CSNK1D: variants seen among roughly 807,000 people sequenced by gnomAD.
CSNK1D encodes casein kinase 1 delta, also known as casein kinase I isoform delta.
CSNK1D carries 16 observed loss-of-function variants against 46.6 expected under a neutral mutation model. The ratio of observed to expected loss-of-function variants is 0.34; its 90% CI spans 0.23 to 0.52. The LOEUF (loss-of-function observed/expected upper bound fraction) is 0.52, where lower values mean the gene tolerates loss of function less well. CSNK1D is among the 20% of genes least tolerant of loss of function. The pLI, the probability that CSNK1D is intolerant of heterozygous loss-of-function variation, is 0.95. For missense variants in CSNK1D, 398 were observed against 578.4 expected, an observed-to-expected ratio of 0.69 and a Z score of 3.20; for synonymous variants, 276 against 228.2, an observed-to-expected ratio of 1.21 and a Z score of -1.89.
Position 82,251,154 on chromosome 17 carries a change from T to A in CSNK1D, c.885+225A>T, listed in dbSNP as rs986739302. On this transcript the variant is annotated intron_variant, in intron 6 of 8. Transcript: ENST00000314028. This position sits in a 1 kb window ranked among gnomAD's most constrained non-coding sequence, Gnocchi z 4.5. ...CCTCCTGCTGTCCACACCCAGGAAT[T>A]CCATGGACCCCTCTGCGTTCCCTAA... The A allele has an allele frequency of 1.8e-6, 1 of 549,186 alleles. No individual in the cohort carries two copies. Among genetic ancestry groups the A allele is most frequent in the Non-Finnish European group, 3.3e-6 (1 of 304,442 alleles). The allele number at this position is 549,186 out of a possible 1,614,324, so 34.0% of individuals were successfully genotyped here. A position where few individuals can be genotyped will look rare whatever the true frequency, so the allele number is the denominator to read the frequency against.
Position 82,243,804 on chromosome 17 carries a change from A to G in CSNK1D, c.*977T>C. ...AAAATGGACTGAGTGCAAAGGCAGC[A>G]AGGCAACAAACACTACAGTAACCAC... On this transcript the variant is annotated 3_prime_UTR_variant, in exon 9 of 9. Coordinates refer to ENST00000314028, the MANE Select transcript of CSNK1D (RefSeq NM_001893.6). The G allele has an allele frequency of 1.0e-6, 1 of 985,498 alleles. No homozygotes were observed. Among genetic ancestry groups the G allele is most frequent in the Non-Finnish European group, 1.2e-6 (1 of 829,962 alleles). The allele number at this position is 985,498 out of a possible 1,614,324, so 61.0% of individuals were successfully genotyped here. A position where few individuals can be genotyped will look rare whatever the true frequency, so the allele number is the denominator to read the frequency against.
Position 82,257,223 on chromosome 17 carries a change from G to A in CSNK1D, c.188-1646C>T, listed in dbSNP as rs572798661. Among the ~76,000 whole-genome samples, 4 of 151,886 alleles carry A rather than the reference G, an allele frequency of 2.6e-5. No individual in the cohort carries two copies. In the East Asian group the frequency reaches 7.7e-4, roughly 29 times the overall value. On this transcript the variant is annotated intron_variant, in intron 2 of 8. Transcript: ENST00000314028. The stretch of plus-strand genomic sequence containing the variant: ...TGGTATCTTTTTCCTATTCATAGTA[G>A]TTCTTTATAACTTCTAGATACTAAA...
chr17:82,258,636 T>C (rs2051247168), intron 2 of CSNK1D, among the ~76,000 whole-genome samples: 1 of 152,188 alleles, frequency 6.6e-6, no homozygotes, highest in African/African-American at 2.4e-5. Context: ...TTTTGGAGTT[T>C]TCACTGTCCC....
chr17:82,267,304 T>C (rs951109762), intron 1 of CSNK1D, among the ~76,000 whole-genome samples: 1 of 152,088 alleles, frequency 6.6e-6, no homozygotes, highest in African/African-American at 2.4e-5. Flanking sequence ...GGGTTAACAG[T>C]TTCTTTTACT....
At position 82,253,301 on chromosome 17, in the gene CSNK1D, G is replaced by A. The variant is rs566879006; in HGVS notation, c.337-57C>T. 4.2e-5 allele frequency: 56 copies of A among 1,318,912 alleles called. No homozygotes were observed. The Middle Eastern group carries it at 5.5e-4, about 13-fold the overall frequency. 81.7% of individuals were successfully genotyped at this position (1,318,912 alleles called of 1,614,324 possible). On this transcript the variant is annotated intron_variant, in intron 3 of 8. Coordinates refer to ENST00000314028, the MANE Select transcript of CSNK1D (RefSeq NM_001893.6). Reference sequence around the variant, plus strand: ...CCCAGGGCAGTCTCAGGGAGGGACCGCTCAACTGTGGGACACTACATCAGT... The same window carrying A: ...CCCAGGGCAGTCTCAGGGAGGGACCACTCAACTGTGGGACACTACATCAGT...
intron 8 of CSNK1D, chr17:82,246,218 A>G (rs2050846751): frequency 6.6e-7 from 1 of 1,510,774 alleles, no homozygotes; most frequent in Non-Finnish European, 8.8e-7. Context: ...GGGCCTCTGG[A>G]TGAGAGTGGT....
chr17:82,273,043 AT>A lies in CSNK1D; in HGVS notation c.76+262del, dbSNP rs1292876989. The A allele has an allele frequency of 3.9e-6, 1 of 255,062 alleles. No individual in the cohort carries two copies. Among genetic ancestry groups the A allele is most frequent in the African/African-American group, 3.9e-5 (1 of 25,918 alleles). The allele number at this position is 255,062 out of a possible 1,614,324, so 15.8% of individuals were successfully genotyped here. On this transcript the variant is annotated intron_variant, in intron 1 of 8. Coordinates refer to ENST00000314028, the MANE Select transcript of CSNK1D (RefSeq NM_001893.6). This position sits in a 1 kb window ranked among gnomAD's most constrained non-coding sequence, Gnocchi z 5.1. ...TGCCCCACCCCGGGTCAGCTCCCCTATCCCCTCCTTCCCCAACCCTCCCCTC... is the reference window on the plus strand; with the variant it reads ...TGCCCCACCCCGGGTCAGCTCCCCTACCCCTCCTTCCCCAACCCTCCCCTC...
Position 82,243,717 on chromosome 17 carries a change from T to G in CSNK1D, c.*1064A>C. The G allele has an allele frequency of 1.0e-6, 1 of 985,392 alleles. No homozygotes were observed. The highest frequency in any genetic ancestry group is 1.2e-6 in the Non-Finnish European group (1 of 829,940). 61.0% of individuals were successfully genotyped at this position (985,392 alleles called of 1,614,324 possible). ...GTGGCAAGGACAGCCCCGCTCCTGGTTTTAAGCACAGGCATTCATACAGAC... is the reference window on the plus strand; with the variant it reads ...GTGGCAAGGACAGCCCCGCTCCTGGGTTTAAGCACAGGCATTCATACAGAC... On this transcript the variant is annotated 3_prime_UTR_variant, in exon 9 of 9. Transcript: ENST00000314028.
chr17:82,257,025 T>C (rs1023716002), intron 2 of CSNK1D, among the ~76,000 whole-genome samples: 6 of 152,208 alleles, frequency 3.9e-5, no homozygotes, highest in African/African-American at 1.2e-4. Context: ...AGTGGCACCA[T>C]CTCGGCTCAC....
Position 82,250,096 on chromosome 17 carries a change from GGCCAGCA to G in CSNK1D, c.886-501_886-495del. The G allele has an allele frequency of 7.7e-7, 1 of 1,290,544 alleles. No homozygotes were observed. The highest frequency in any genetic ancestry group is 1.0e-6 in the Non-Finnish European group (1 of 989,612). 79.9% of individuals were successfully genotyped at this position (1,290,544 alleles called of 1,614,324 possible). ...ACAGCCTGTGCAGGTGTGGTGGCGT[GGCCAGCA>G]GCCGGCAGCCGGATCTGTGCTGCAC... On this transcript the variant is annotated intron_variant, in intron 6 of 8. Coordinates refer to ENST00000314028, the MANE Select transcript of CSNK1D (RefSeq NM_001893.6). This position sits in a 1 kb window ranked among gnomAD's most constrained non-coding sequence, Gnocchi z 4.6.
chr17:82,255,696 G>A lies in CSNK1D; in HGVS notation c.188-119C>T. On this transcript the variant is annotated intron_variant, in intron 2 of 8. Transcript: ENST00000314028. This position sits in a 1 kb window ranked among gnomAD's most constrained non-coding sequence, Gnocchi z 5.9. ...AATCCTGAACGGGGGAGGGGTGGTG[G>A]AGGTAGAAGACCCCGGCAACGCCGC... 1 of 1,299,994 alleles carries A rather than the reference G, an allele frequency of 7.7e-7. No individual in the cohort carries two copies. The highest frequency in any genetic ancestry group is 1.1e-6 in the Non-Finnish European group (1 of 904,846). The allele number at this position is 1,299,994 out of a possible 1,614,324, so 80.5% of individuals were successfully genotyped here. A position where few individuals can be genotyped will look rare whatever the true frequency, so the allele number is the denominator to read the frequency against.
chr17:82,243,611 C>A lies in CSNK1D; in HGVS notation c.*1170G>T, dbSNP rs191706228. ...TTTCTGGCCGTGAAGGTTCTGGGTC[C>A]GGTTGGGAGAGTCACCTGCTCCTTG... is the stretch of plus-strand genomic sequence containing the variant. On this transcript the variant is annotated 3_prime_UTR_variant, in exon 9 of 9. Coordinates refer to ENST00000314028, the MANE Select transcript of CSNK1D (RefSeq NM_001893.6). 7.3e-5 allele frequency: 72 copies of A among 985,506 alleles called. No individual in the cohort carries two copies. In the East Asian group the frequency reaches 6.7e-3, roughly 92 times the overall value. The allele number at this position is 985,506 out of a possible 1,614,324, so 61.0% of individuals were successfully genotyped here. A position where few individuals can be genotyped will look rare whatever the true frequency, so the allele number is the denominator to read the frequency against.
rs925297076 is a variant in CSNK1D at position 82,249,438 on chromosome 17, T to C, written c.1050A>G (p.Ser350=). ...VAPPTPLTPT[S]HTANTSPRPV... is the part of the protein sequence containing the mutation. ...TGGGAGGGGGGCACTCACCCGTGTG[T>C]GAGGTAGGGGTGAGGGGTGTGGGGG... Residue 350 remains serine, a synonymous_variant, in exon 7 of 9, where the codon TCA becomes TCG. Transcript: ENST00000314028. This position sits in a 1 kb window ranked among gnomAD's most constrained non-coding sequence, Gnocchi z 6.7. 1.3e-6 allele frequency: 2 copies of C among 1,536,882 alleles called. No homozygotes were observed. Among genetic ancestry groups the C allele is most frequent in the African/African-American group, 2.7e-5 (2 of 73,044 alleles).
chr17:82,260,145 G>A (rs2051290498), intron 2 of CSNK1D, among the ~76,000 whole-genome samples: 1 of 151,006 alleles, frequency 6.6e-6, no homozygotes, highest in South Asian at 2.1e-4. Flanking sequence ...ACTGAGTGAT[G>A]TGACTGATGG....
intron 1 of CSNK1D, chr17:82,266,782 CG>C (rs2051479722): frequency 1.3e-5 from 2 of 152,494 alleles, no homozygotes; most frequent in South Asian, 4.1e-4. Flanking sequence ...TGGAATCGGC[CG>C]GGCGCGGTGG....
At chr17:82,266,327 G>A (rs1280708213) in intron 1 of CSNK1D, among the ~76,000 whole-genome samples, 1 of 152,220 alleles carries the variant, frequency 6.6e-6, no homozygotes, top group Non-Finnish European at 1.5e-5. Context: ...ACCTATTGCA[G>A]GCAAACACCC....
rs1482853902 is a variant in CSNK1D at position 82,255,628 on chromosome 17, C to A, written c.188-51G>T. 5 of 1,608,846 alleles carry A rather than the reference C, an allele frequency of 3.1e-6. No homozygotes were observed. Among genetic ancestry groups the A allele is most frequent in the Non-Finnish European group, 4.3e-6 (5 of 1,175,652 alleles). ...TTTCAGTCCAGGCCCTGCCTCAGCT[C>A]CACACTAAGTCTGCACTGTGCACAC... On this transcript the variant is annotated intron_variant, in intron 2 of 8. Coordinates refer to ENST00000314028, the MANE Select transcript of CSNK1D (RefSeq NM_001893.6). The surrounding 1 kb of genome is among the most constrained non-coding windows in gnomAD (Gnocchi z 5.9).
At position 82,255,263 on chromosome 17, in the gene CSNK1D, C is replaced by T; in HGVS notation, c.336+166G>A. 1 of 834,596 alleles carries T rather than the reference C, an allele frequency of 1.2e-6. No homozygotes were observed. The highest frequency in any genetic ancestry group is 2.6e-5 in the East Asian group (1 of 37,778). 51.7% of individuals were successfully genotyped at this position (834,596 alleles called of 1,614,324 possible). ...AGCCAGTGAGCGGAGCCACCGGAGC[C>T]TCGAGAAGCCAGTGAGCTGAGCCAC... On this transcript the variant is annotated intron_variant, in intron 3 of 8. Coordinates refer to ENST00000314028, the MANE Select transcript of CSNK1D (RefSeq NM_001893.6). This position sits in a 1 kb window ranked among gnomAD's most constrained non-coding sequence, Gnocchi z 5.9.
At position 82,249,407 on chromosome 17, in the gene CSNK1D, G is replaced by T; in HGVS notation, c.1057+24C>A. 1 of 1,533,232 alleles carries T rather than the reference G, an allele frequency of 6.5e-7. No individual in the cohort carries two copies. Among genetic ancestry groups the T allele is most frequent in the South Asian group, 1.2e-5 (1 of 83,836 alleles). The allele number at this position is 1,533,232 out of a possible 1,614,324, so 95.0% of individuals were successfully genotyped here. A position where few individuals can be genotyped will look rare whatever the true frequency, so the allele number is the denominator to read the frequency against. On this transcript the variant is annotated intron_variant, in intron 7 of 8. Transcript: ENST00000314028. This position sits in a 1 kb window ranked among gnomAD's most constrained non-coding sequence, Gnocchi z 6.7. ...AGAAGTCACCCCAGAGCCAGCCCCA[G>T]AGCGCTGGGAGGGGGGCACTCACCC...
Sources: gnomAD v4.1 joint callset for allele counts (sites outside exome capture counted in the v4.1 genomes callset) on GRCh38, gnomAD v4.1.1 for gene constraint, Gnocchi (gnomAD v3.1) non-coding constraint, MANE v1.5 for transcripts, NCBI Gene and HGNC (gene_info 2026-07-23, HGNC 2026-07-21) for gene names.